Variants in ZNF124 observed in about 807,000 individuals in gnomAD.
ZNF124 encodes the protein zinc finger protein 124, also known as zinc finger protein HZF-16.
ZNF124 carries 25 observed loss-of-function variants against 26.6 expected under a neutral mutation model. That is an observed-to-expected ratio of 0.94 (90% CI 0.68 to 1.31). The LOEUF (loss-of-function observed/expected upper bound fraction) is 1.31. Ranked by LOEUF, ZNF124 falls within the 40% of genes most tolerant of loss-of-function variation. The probability of loss-of-function intolerance (pLI) is 0.00; values close to 1 mark genes in which losing one functional copy is unlikely to be tolerated. For synonymous variants in ZNF124, 129 were observed against 133.3 expected, an observed-to-expected ratio of 0.97 and a Z score of 0.22; for missense variants, 444 against 422.2, an observed-to-expected ratio of 1.05 and a Z score of -0.45.
Position 247,156,664 on chromosome 1 carries a change from A to T in ZNF124, c.958T>A (p.Cys320Ser). Residue 320 changes from cysteine (C) to serine (S), a missense_variant, in exon 4 of 4, where the codon TGT becomes AGT. Coordinates refer to ENST00000543802, the MANE Select transcript of ZNF124 (RefSeq NM_001297568.2). Reference protein sequence around the residue: ...RTHTGEKPYECQKCGKAFSRA... With the variant: ...RTHTGEKPYESQKCGKAFSRA... ...CTAAAGGCTTTGCCACATTTCTGAC[A>T]TTCATAGGGTTTCTCTCCAGTATGA... is the stretch of plus-strand genomic sequence containing the variant. 6.2e-7 allele frequency: 1 copy of T among 1,612,080 alleles called. No individual in the cohort carries two copies. The highest frequency in any genetic ancestry group is 8.5e-7 in the Non-Finnish European group (1 of 1,179,410).
At chr1:247,157,573 A>T (rs1673224766) in intron 3 of ZNF124, 170 bp from the exon 4 acceptor site, 1 of 644,428 alleles carries the variant, frequency 1.6e-6, no homozygotes, top group African/African-American at 1.8e-5. Context: ...TCTGCAAAAA[A>T]TGACAACCCC....
chr1:247,161,446 A>G (rs1241044042), intron 1 of ZNF124, among the ~76,000 whole-genome samples: 3 of 152,194 alleles, frequency 2.0e-5, no homozygotes, highest in Non-Finnish European at 4.4e-5. Context: ...AGTAAAAAGT[A>G]TAAATAGACC....
At chr1:247,163,277 C>G (rs1278574055) in intron 1 of ZNF124, among the ~76,000 whole-genome samples, 1 of 150,328 alleles carries the variant, frequency 6.7e-6, no homozygotes. Flanking sequence ...CCAAAGCTAG[C>G]AGAAGACAAA....
intron 3 of ZNF124, among the ~76,000 whole-genome samples, chr1:247,125,517 T>A (rs1277681829): frequency 7.3e-6 from 1 of 136,274 alleles, no homozygotes; most frequent in Non-Finnish European, 1.5e-5. Flanking sequence ...CTGCAACCTC[T>A]GCCTTCCCGT....
At chr1:247,132,307 G>A (rs1572058178) in intron 3 of ZNF124, among the ~76,000 whole-genome samples, 2 of 152,262 alleles carry the variant, frequency 1.3e-5, no homozygotes, top group Admixed American at 1.3e-4. Context: ...CAAAACTGAA[G>A]CTAGACAAAC....
downstream of ZNF124, among the ~76,000 whole-genome samples, chr1:247,152,704 C>T (rs572615025): frequency 2.0e-4 from 31 of 152,094 alleles, no homozygotes; most frequent in East Asian, 2.9e-3. Flanking sequence ...ACAATCACAC[C>T]GTTATGTCCA....
At chr1:247,131,739 A>G (rs939567151) in intron 3 of ZNF124, among the ~76,000 whole-genome samples, 26 of 152,232 alleles carry the variant, frequency 1.7e-4, no homozygotes, top group African/African-American at 6.0e-4. Context: ...AGGGTCTCCA[A>G]TAACTCCAGC....
At chr1:247,131,519 A>G (rs1263401553) in intron 3 of ZNF124, among the ~76,000 whole-genome samples, 1 of 152,134 alleles carries the variant, frequency 6.6e-6, no homozygotes, top group East Asian at 1.9e-4. Flanking sequence ...TGGGACTCCA[A>G]CTGCCTAACG....
At chr1:247,164,065 CA>C (rs1002673663) in intron 1 of ZNF124, among the ~76,000 whole-genome samples, 1 of 151,536 alleles carries the variant, frequency 6.6e-6, no homozygotes, top group Non-Finnish European at 1.5e-5. Flanking sequence ...TCAATAGATG[CA>C]AAAAAAAGCT....
intron 1 of ZNF124, among the ~76,000 whole-genome samples, chr1:247,169,132 CATT>C (rs1444581831): frequency 1.3e-5 from 2 of 152,074 alleles, no homozygotes; most frequent in African/African-American, 4.8e-5. Context: ...TGATGAAATA[CATT>C]TTATGTTTAC....
intron 3 of ZNF124, among the ~76,000 whole-genome samples, chr1:247,147,213 T>C (rs963837027): frequency 2.6e-5 from 4 of 151,458 alleles, no homozygotes; most frequent in Admixed American, 1.3e-4. Context: ...GGATTTCTGT[T>C]AGTCATTGGC....
At chr1:247,133,181 G>C (rs1466628214) in intron 3 of ZNF124, among the ~76,000 whole-genome samples, 1 of 151,822 alleles carries the variant, frequency 6.6e-6, no homozygotes, top group South Asian at 2.1e-4. Context: ...ACTGAAATAA[G>C]ACATTCAGAA....
chr1:247,139,549 G>A (rs1418324919), intron 3 of ZNF124, among the ~76,000 whole-genome samples: 1 of 152,144 alleles, frequency 6.6e-6, no homozygotes, highest in Non-Finnish European at 1.5e-5. Context: ...TTGTTAGCTG[G>A]TTATTATGCT....
chr1:247,156,865 T>TA lies in ZNF124; in HGVS notation c.756dup (p.Ile253TyrfsTer7). ...GGTTCTTCACCAGCATGAGCCTTTA[T>TA]ATGTCCTTGCAAGGAACTGAGACAA... On this transcript the variant is annotated frameshift_variant, in exon 4 of 4. Coordinates refer to ENST00000543802, the MANE Select transcript of ZNF124 (RefSeq NM_001297568.2). LOFTEE classifies it high-confidence loss of function. The TA allele has an allele frequency of 3.1e-6, 5 of 1,614,172 alleles. No homozygotes were observed. In the South Asian group the frequency reaches 5.5e-5, roughly 18 times the overall value.
intron 3 of ZNF124, among the ~76,000 whole-genome samples, chr1:247,130,332 C>T (rs912834864): frequency 2.0e-5 from 3 of 152,078 alleles, no homozygotes; most frequent in African/African-American, 7.2e-5. Context: ...GGTTTCAACC[C>T]GAATTCCAGG....
Position 247,168,511 on chromosome 1 carries a change from G to A in ZNF124, c.30+3337C>T, listed in dbSNP as rs538491315. On this transcript the variant is annotated intron_variant, in intron 1 of 3. Transcript: ENST00000543802. The surrounding 1 kb of genome is among the most constrained non-coding windows in gnomAD (Gnocchi z 4.0). Reference sequence around the variant, plus strand: ...ATCGTGCCACTGCACTACAGCCTGGGTAACAGAGTGAGACTCTGTCTCAAT... The same window carrying A: ...ATCGTGCCACTGCACTACAGCCTGGATAACAGAGTGAGACTCTGTCTCAAT... Among the ~76,000 whole-genome samples, 1 of 152,320 alleles carries A rather than the reference G, an allele frequency of 6.6e-6. No homozygotes were observed. The highest frequency in any genetic ancestry group is 1.9e-4 in the East Asian group (1 of 5,182).
At chr1:247,122,409 A>C (rs573014260) in exon 4 of ZNF124, 5 of 152,492 alleles carry the variant, frequency 3.3e-5, no homozygotes, top group African/African-American at 7.2e-5. Context: ...AAGTTAAATA[A>C]CTTGATTAAA....
At chr1:247,142,932 AAAG>A (rs1243049592) in intron 3 of ZNF124, among the ~76,000 whole-genome samples, 2 of 151,176 alleles carry the variant, frequency 1.3e-5, no homozygotes, top group African/African-American at 4.8e-5. Flanking sequence ...TATGTAGAAA[AAAG>A]AAAATTATTT....
chr1:247,157,853 T>C (rs1673239928), intron 3 of ZNF124, among the ~76,000 whole-genome samples: 1 of 151,752 alleles, frequency 6.6e-6, no homozygotes, highest in South Asian at 2.1e-4. Context: ...TGACCTGGTG[T>C]GAGGTGCTTG....
Sources: allele counts gnomAD v4.1 joint callset (sites outside exome capture counted in the v4.1 genomes callset), GRCh38; gene constraint gnomAD v4.1.1; non-coding constraint Gnocchi (gnomAD v3.1); transcripts MANE v1.5; gene names NCBI Gene and HGNC (gene_info 2026-07-23, HGNC 2026-07-21).